The following SMG6 variants were observed in gnomAD, a reference collection of about 807,000 sequenced individuals.
SMG6 encodes SMG6 nonsense mediated mRNA decay factor, also known as telomerase-binding protein EST1A.
Under a neutral mutation model 142.2 loss-of-function variants are expected in SMG6, and 66 were observed. The ratio of observed to expected loss-of-function variants is 0.46; its 90% CI spans 0.38 to 0.57. The LOEUF (loss-of-function observed/expected upper bound fraction) is 0.57, where lower values mean the gene tolerates loss of function less well. Among genes scored for constraint, SMG6 ranks in the 20% least tolerant of loss-of-function variants. The pLI, the probability that SMG6 is intolerant of heterozygous loss-of-function variation, is 0.00. For synonymous variants in SMG6, 779 were observed against 702.4 expected (o/e 1.11, Z -1.72); for missense variants, 1,793 against 1,832.0 (o/e 0.98, Z 0.39).
At position 2,071,635 on chromosome 17, in the gene SMG6, G is replaced by A. The variant is rs1329958406; in HGVS notation, c.3682-2704C>T. On this transcript the variant is annotated intron_variant, in intron 15 of 18. Transcript: ENST00000263073. The surrounding 1 kb of genome is among the most constrained non-coding windows in gnomAD (Gnocchi z 5.6). ...TTCCCTTAACCTGGCTCTGCCCAGT[G>A]AGTCACCAAACAACTGCTTCCTGTT... 1.3e-5 allele frequency among the ~76,000 whole-genome samples: 2 copies of A among 152,174 alleles called. No individual in the cohort carries two copies. The highest frequency in any genetic ancestry group is 2.9e-5 in the Non-Finnish European group (2 of 68,026).
chr17:2,240,024 G>A (rs1210282040), intron 9 of SMG6: 1 of 152,190 alleles, frequency 6.6e-6, no homozygotes, highest in Non-Finnish European at 1.5e-5. Flanking sequence ...GAGTCCAAGT[G>A]CAGGTGTGAT....
intron 8 of SMG6, among the ~76,000 whole-genome samples, chr17:2,256,847 G>A (rs1051318603): frequency 6.6e-6 from 1 of 152,154 alleles, no homozygotes; most frequent in Non-Finnish European, 1.5e-5. Flanking sequence ...GAAAACTCGT[G>A]AGAAAAAGAG....
At chr17:2,164,330 G>A (rs920029108) in intron 13 of SMG6, among the ~76,000 whole-genome samples, 18 of 151,840 alleles carry the variant, frequency 1.2e-4, no homozygotes, top group Non-Finnish European at 2.2e-4. Context: ...GGCTGAGGCA[G>A]GAGAATCGCT....
chr17:2,249,425 G>A (rs1440436901), intron 8 of SMG6, among the ~76,000 whole-genome samples: 2 of 152,098 alleles, frequency 1.3e-5, no homozygotes, highest in Non-Finnish European at 2.9e-5. Flanking sequence ...CCCGCAAAGT[G>A]CTAAGATTAT....
intron 13 of SMG6, among the ~76,000 whole-genome samples, chr17:2,090,182 CAA>C (rs71150849): frequency 0.66 from 62,814 of 95,848 alleles, 18,233 homozygotes; most frequent in East Asian, 0.87. Context: ...GACTCTGTCT[CAA>C]AAAAAAAAAA....
At chr17:2,279,336 A>T (rs1413415758) in intron 8 of SMG6, among the ~76,000 whole-genome samples, 1 of 152,232 alleles carries the variant, frequency 6.6e-6, no homozygotes, top group African/African-American at 2.4e-5. Flanking sequence ...AAAAGTATGA[A>T]AAGTGTAAGA....
At chr17:2,254,138 GA>G (rs2074110713) in intron 8 of SMG6, among the ~76,000 whole-genome samples, 1 of 152,190 alleles carries the variant, frequency 6.6e-6, no homozygotes, top group South Asian at 2.1e-4. Context: ...CTTTCTGAAT[GA>G]CTCTTCTTTC....
At chr17:2,202,764 C>T (rs1359496638) in intron 10 of SMG6, among the ~76,000 whole-genome samples, 4 of 152,184 alleles carry the variant, frequency 2.6e-5, no homozygotes, top group African/African-American at 9.7e-5. Flanking sequence ...TGATAACCTG[C>T]TTTATGAACA....
intron 13 of SMG6, among the ~76,000 whole-genome samples, chr17:2,131,902 T>C (rs985115884): frequency 8.6e-5 from 13 of 152,004 alleles, no homozygotes; most frequent in Admixed American, 7.9e-4. Flanking sequence ...TAAAACCCCG[T>C]TTCTACTAAA....
chr17:2,136,897 G>A (rs1191119441), intron 13 of SMG6, among the ~76,000 whole-genome samples: 1 of 152,086 alleles, frequency 6.6e-6, no homozygotes, highest in Non-Finnish European at 1.5e-5. Context: ...GATGGCTCAC[G>A]CTTGTAATTT....
chr17:2,298,424 A>C (rs1043645843), intron 2 of SMG6, among the ~76,000 whole-genome samples: 1 of 152,194 alleles, frequency 6.6e-6, no homozygotes, highest in East Asian at 1.9e-4. Flanking sequence ...AATTATTTCT[A>C]AGACTAGAAA....
intron 13 of SMG6, among the ~76,000 whole-genome samples, chr17:2,168,483 TG>T (rs1304521771): frequency 6.6e-6 from 1 of 152,180 alleles, no homozygotes; most frequent in Non-Finnish European, 1.5e-5. Flanking sequence ...ACGCTAGGTC[TG>T]CTTTTGCAGA....
intron 10 of SMG6, among the ~76,000 whole-genome samples, chr17:2,212,048 T>C (rs1209349110): frequency 2.6e-5 from 4 of 152,226 alleles, no homozygotes; most frequent in Admixed American, 2.6e-4. Context: ...AGTTACCATA[T>C]AGCTGAATAT....
At chr17:2,208,558 G>A (rs912748018) in intron 10 of SMG6, among the ~76,000 whole-genome samples, 1 of 152,174 alleles carries the variant, frequency 6.6e-6, no homozygotes, top group African/African-American at 2.4e-5. Context: ...ACATGGTGCT[G>A]AACCAATTCG....
chr17:2,271,439 C>T (rs557269135), intron 8 of SMG6, among the ~76,000 whole-genome samples: 1 of 151,490 alleles, frequency 6.6e-6, no homozygotes, highest in Non-Finnish European at 1.5e-5. Flanking sequence ...AGCAGCCAGG[C>T]ATGGTGGCTC....
At chr17:2,164,165 C>T (rs1004208968) in intron 13 of SMG6, among the ~76,000 whole-genome samples, 2 of 151,456 alleles carry the variant, frequency 1.3e-5, no homozygotes, top group South Asian at 2.1e-4. Flanking sequence ...ACCTGTAATC[C>T]CAGCACTTTG....
At chr17:2,156,127 C>T (rs2070994487) in intron 13 of SMG6, among the ~76,000 whole-genome samples, 1 of 150,094 alleles carries the variant, frequency 6.7e-6, no homozygotes, top group Non-Finnish European at 1.5e-5. Context: ...CCGTGGTTCA[C>T]GCCTGTAATC....
At chr17:2,222,438 G>A (rs1329528966) in intron 10 of SMG6, among the ~76,000 whole-genome samples, 1 of 151,248 alleles carries the variant, frequency 6.6e-6, no homozygotes, top group East Asian at 1.9e-4. Context: ...AAAGGTGGGA[G>A]AGTCCCCAGC....
intron 13 of SMG6, among the ~76,000 whole-genome samples, chr17:2,134,186 G>A (rs1028207110): frequency 2.6e-5 from 4 of 151,918 alleles, no homozygotes; most frequent in Admixed American, 6.6e-5. Context: ...TTGGGAGGCC[G>A]ATGTGGGTGG....
Sources: gnomAD v4.1 joint callset for allele counts (sites outside exome capture counted in the v4.1 genomes callset) on GRCh38, gnomAD v4.1.1 for gene constraint, Gnocchi (gnomAD v3.1) non-coding constraint, MANE v1.5 for transcripts, NCBI Gene and HGNC (gene_info 2026-07-23, HGNC 2026-07-21) for gene names.